KAZN: variants seen among roughly 807,000 people sequenced by gnomAD.
KAZN encodes the protein kazrin.
Under a neutral mutation model 87.4 loss-of-function variants are expected in KAZN, and 40 were observed. The observed-to-expected ratio is 0.46, with a 90% CI of 0.36 to 0.60. The LOEUF is 0.60. Ranked by LOEUF, KAZN falls within the 20% of genes least tolerant of loss-of-function variation. The pLI is 0.00. For missense variants in KAZN, 898 were observed against 1,073.9 expected (o/e 0.84, Z 2.29); for synonymous variants, 466 against 458.3 (o/e 1.02, Z -0.22).
At chr1:14,309,487 G>A (rs1557631028) in intron 2 of KAZN, among the ~76,000 whole-genome samples, 1 of 152,116 alleles carries the variant, frequency 6.6e-6, no homozygotes. Context: ...AGATTACAGG[G>A]GCCTTGGAGG....
At chr1:14,475,604 G>T (rs1668674141) in intron 2 of KAZN, among the ~76,000 whole-genome samples, 1 of 152,182 alleles carries the variant, frequency 6.6e-6, no homozygotes, top group African/African-American at 2.4e-5. Flanking sequence ...TAATGAAAGG[G>T]AGAAATGATG....
intron 1 of KAZN, among the ~76,000 whole-genome samples, chr1:14,839,301 C>G (rs538948757): frequency 6.6e-6 from 1 of 152,208 alleles, no homozygotes; most frequent in African/African-American, 2.4e-5. Context: ...GTCCCCCTAC[C>G]TTCCCTGGCC....
At chr1:14,870,734 A>G (rs1457618796) in intron 1 of KAZN, among the ~76,000 whole-genome samples, 1 of 152,174 alleles carries the variant, frequency 6.6e-6, no homozygotes, top group Non-Finnish European at 1.5e-5. Flanking sequence ...TGGCACAATT[A>G]ATGGCCCATG....
At chr1:14,976,579 G>A (rs557242616) in intron 2 of KAZN, among the ~76,000 whole-genome samples, 1 of 152,338 alleles carries the variant, frequency 6.6e-6, no homozygotes, top group Admixed American at 6.5e-5. Flanking sequence ...AGAAATGCGT[G>A]AGCCGGATGA....
At chr1:15,087,884 C>A (rs1431948403) in intron 8 of KAZN, among the ~76,000 whole-genome samples, 1 of 152,218 alleles carries the variant, frequency 6.6e-6, no homozygotes, top group Admixed American at 6.5e-5. Context: ...CATTTCATTT[C>A]ATCCTCACAC....
At chr1:14,639,988 C>G (rs539830858) in intron 1 of KAZN, among the ~76,000 whole-genome samples, 15 of 152,272 alleles carry the variant, frequency 9.9e-5, no homozygotes, top group Middle Eastern at 3.4e-3. Context: ...ATGATGGTGG[C>G]TCAGCAACGC....
intron 1 of KAZN, among the ~76,000 whole-genome samples, chr1:13,991,195 G>A (rs1639269647): frequency 6.6e-6 from 1 of 152,106 alleles, no homozygotes; most frequent in African/African-American, 2.4e-5. Context: ...CTTCCATGGT[G>A]TAAATACCTG....
At chr1:14,280,998 G>C (rs1233568417) in intron 2 of KAZN, among the ~76,000 whole-genome samples, 3 of 152,216 alleles carry the variant, frequency 2.0e-5, no homozygotes, top group African/African-American at 7.2e-5. Flanking sequence ...ACAGTCTGTT[G>C]AGCCCAAGCT....
intron 1 of KAZN, among the ~76,000 whole-genome samples, chr1:14,050,025 G>A (rs1433321892): frequency 6.6e-6 from 1 of 152,152 alleles, no homozygotes; most frequent in East Asian, 1.9e-4. Context: ...GTGTGCATGT[G>A]GGCATGCATG....
At chr1:14,507,270 C>G (rs1286788889) in intron 2 of KAZN, among the ~76,000 whole-genome samples, 2 of 152,146 alleles carry the variant, frequency 1.3e-5, no homozygotes. Context: ...TTGAGCCACT[C>G]TGACTTTGAG....
intron 2 of KAZN, among the ~76,000 whole-genome samples, chr1:14,260,948 C>T (rs543723496): frequency 1.3e-5 from 2 of 152,326 alleles, no homozygotes; most frequent in African/African-American, 4.8e-5. Flanking sequence ...ATCTGCCTCC[C>T]TTGCTAACAC....
intron 2 of KAZN, among the ~76,000 whole-genome samples, chr1:14,206,702 C>CT (rs70997123): frequency 0.84 from 121,140 of 144,818 alleles, 51,140 homozygotes; most frequent in East Asian, 0.91. Context: ...TGAGCATTTT[C>CT]TTTTTTTTTT....
At chr1:14,683,327 G>A (rs1283005268) in intron 1 of KAZN, among the ~76,000 whole-genome samples, 4 of 152,142 alleles carry the variant, frequency 2.6e-5, no homozygotes, top group South Asian at 2.1e-4. Flanking sequence ...AAGAAGATGC[G>A]TAGGTCAAAC....
At chr1:14,464,764 C>T (rs1668026612) in intron 2 of KAZN, among the ~76,000 whole-genome samples, 1 of 152,000 alleles carries the variant, frequency 6.6e-6, no homozygotes, top group Admixed American at 6.5e-5. Flanking sequence ...TGGTCTCAAA[C>T]TCCTGACCTC....
rs1209358722 is a variant in KAZN at position 14,112,393 on chromosome 1, G to C, written c.92-68042G>C. On this transcript the variant is annotated intron_variant, in intron 1 of 16. Transcript: ENST00000636203. ...AAACCCACCACCGTTACTTGGGTGA[G>C]GAGCTGCCTGCATCCCTCCCACTCC... is the stretch of plus-strand genomic sequence containing the variant. Among the ~76,000 whole-genome samples the C allele has an allele frequency of 3.8e-5, 3 of 78,072 alleles. 1 individual carries two copies. Among genetic ancestry groups the C allele is most frequent in the Non-Finnish European group, 7.9e-5 (3 of 38,202 alleles). The allele number at this position is 78,072 out of a possible 152,430, so 51.2% of individuals were successfully genotyped here. A position where few individuals can be genotyped will look rare whatever the true frequency, so the allele number is the denominator to read the frequency against.
rs34435903 is a variant in KAZN at position 14,254,713 on chromosome 1, T to TA, written c.249+74132dup. 4.6e-3 allele frequency among the ~76,000 whole-genome samples: 674 copies of TA among 145,704 alleles called. 4 individuals are homozygous for TA. Among genetic ancestry groups the TA allele is most frequent in the African/African-American group, 9.5e-3 (379 of 39,960 alleles). Reference sequence around the variant, plus strand: ...AATACCTGAGACTGGGTAATTTATTTAAAAAAAAAAAGGTTTAATTGGCTT... The same window carrying TA: ...AATACCTGAGACTGGGTAATTTATTTAAAAAAAAAAAAGGTTTAATTGGCTT... On this transcript the variant is annotated intron_variant, in intron 2 of 16. Coordinates refer to the KAZN transcript ENST00000636203.
chr1:14,952,380 G>A (rs11581127), intron 1 of KAZN, among the ~76,000 whole-genome samples: 8,012 of 152,006 alleles, frequency 0.053, 731 homozygotes, highest in African/African-American at 0.18. Flanking sequence ...TTTCACGGGG[G>A]CCTGCTGGAG....
chr1:14,961,736 C>A (rs550807034), intron 2 of KAZN, among the ~76,000 whole-genome samples: 1 of 152,340 alleles, frequency 6.6e-6, no homozygotes, highest in South Asian at 2.1e-4. Context: ...CTTCTTTCCA[C>A]TTACCATTCA....
chr1:14,187,648 G>A (rs536036426), intron 2 of KAZN, among the ~76,000 whole-genome samples: 1 of 152,100 alleles, frequency 6.6e-6, no homozygotes, highest in Non-Finnish European at 1.5e-5. Flanking sequence ...TGACTGGCAG[G>A]GGGTGAGTGT....
Sources: gnomAD v4.1 joint callset for allele counts (sites outside exome capture counted in the v4.1 genomes callset) on GRCh38, gnomAD v4.1.1 for gene constraint, MANE v1.5 for transcripts, NCBI Gene and HGNC (gene_info 2026-07-23, HGNC 2026-07-21) for gene names.